COX7B2: variants seen among roughly 807,000 people sequenced by gnomAD.
The protein encoded by COX7B2 is cytochrome c oxidase subunit 7B2, mitochondrial.
For synonymous variants in COX7B2, 37 were observed against 32.1 expected (o/e 1.15, Z -0.51); for missense variants, 109 against 95.9 (o/e 1.14, Z -0.57).
intron 1 of COX7B2, among the ~76,000 whole-genome samples, chr4:46,907,848 C>G (rs1322081896): frequency 1.7e-5 from 1 of 59,730 alleles, no homozygotes; most frequent in Non-Finnish European, 3.1e-5. Flanking sequence ...TTTGAGCAGA[C>G]TTTTTTTTTT....
intron 2 of COX7B2, among the ~76,000 whole-genome samples, chr4:46,795,999 T>C (rs1443743732): frequency 1.2e-5 from 1 of 82,510 alleles, no homozygotes; most frequent in Non-Finnish European, 2.4e-5. Flanking sequence ...TGGCTCTCTG[T>C]TTGTCTGTTG....
intron 2 of COX7B2, among the ~76,000 whole-genome samples, chr4:46,749,682 G>A (rs1715231982): frequency 6.6e-6 from 1 of 152,194 alleles, no homozygotes; most frequent in Non-Finnish European, 1.5e-5. Flanking sequence ...GTATAAACCA[G>A]AGGGTGTGTT....
intron 2 of COX7B2, among the ~76,000 whole-genome samples, chr4:46,818,353 G>C (rs1384932967): frequency 6.6e-6 from 1 of 152,152 alleles, no homozygotes; most frequent in African/African-American, 2.4e-5. Flanking sequence ...ACTACTGGAA[G>C]CCGGGCGCCG....
At chr4:46,873,640 T>C (rs1037927424) in intron 1 of COX7B2, among the ~76,000 whole-genome samples, 2 of 152,238 alleles carry the variant, frequency 1.3e-5, no homozygotes, top group Admixed American at 1.3e-4. Context: ...ACCTAGAATA[T>C]GGTAGGAGCT....
At chr4:46,903,846 T>C (rs1720215564) in intron 1 of COX7B2, 1 of 152,234 alleles carries the variant, frequency 6.6e-6, no homozygotes. Flanking sequence ...GTAAGTACAC[T>C]GTATGATGTT....
At chr4:46,780,367 A>G (rs1717381661) in intron 2 of COX7B2, among the ~76,000 whole-genome samples, 1 of 152,136 alleles carries the variant, frequency 6.6e-6, no homozygotes, top group South Asian at 2.1e-4. Context: ...AATACAAAAA[A>G]TTAGCAGGGC....
intron 2 of COX7B2, among the ~76,000 whole-genome samples, chr4:46,769,541 C>G (rs762205145): frequency 2.0e-5 from 3 of 151,860 alleles, no homozygotes; most frequent in Non-Finnish European, 2.9e-5. Flanking sequence ...ATGGTGAAAC[C>G]CCGTCTCTAC....
intron 2 of COX7B2, among the ~76,000 whole-genome samples, chr4:46,761,403 T>C (rs1716137278): frequency 6.6e-6 from 1 of 152,152 alleles, no homozygotes; most frequent in South Asian, 2.1e-4. Context: ...TGGCCTTCAC[T>C]AAACACACAG....
At chr4:46,907,710 G>A (rs1720475523) in intron 1 of COX7B2, among the ~76,000 whole-genome samples, 1 of 149,166 alleles carries the variant, frequency 6.7e-6, no homozygotes. Context: ...CAAAGCCACT[G>A]TGAGATAAAA....
chr4:46,751,317 T>A (rs1450929845), intron 2 of COX7B2, among the ~76,000 whole-genome samples: 2 of 150,378 alleles, frequency 1.3e-5, no homozygotes, highest in Admixed American at 6.7e-5. Context: ...AGCATACATA[T>A]GAACTTGTTG....
chr4:46,740,609 G>A (rs1416740849), intron 2 of COX7B2, among the ~76,000 whole-genome samples: 1 of 151,982 alleles, frequency 6.6e-6, no homozygotes. Flanking sequence ...TTTTACAAAC[G>A]TAATTGTTAG....
intron 2 of COX7B2, among the ~76,000 whole-genome samples, chr4:46,819,043 C>T (rs569061488): frequency 3.1e-4 from 47 of 152,274 alleles, no homozygotes; most frequent in Middle Eastern, 6.8e-3. Context: ...TTCAGTTTCA[C>T]TTTGGTATGT....
chr4:46,776,431 T>C (rs1455454401), intron 2 of COX7B2, among the ~76,000 whole-genome samples: 1 of 151,754 alleles, frequency 6.6e-6, no homozygotes, highest in Non-Finnish European at 1.5e-5. Context: ...TGTCTGTGTG[T>C]CTGTGTGTCT....
At chr4:46,803,503 T>TA (rs1156522728) in intron 2 of COX7B2, among the ~76,000 whole-genome samples, 9 of 152,200 alleles carry the variant, frequency 5.9e-5, no homozygotes, top group Admixed American at 3.3e-4. Flanking sequence ...TCATATTTTT[T>TA]AAAGACTATG....
intron 2 of COX7B2, among the ~76,000 whole-genome samples, chr4:46,797,448 A>C (rs1018782032): frequency 1.5e-4 from 23 of 152,146 alleles, no homozygotes; most frequent in Admixed American, 1.3e-3. Flanking sequence ...TTATTTCTCA[A>C]GTTCTGGAAT....
intron 2 of COX7B2, among the ~76,000 whole-genome samples, chr4:46,777,277 G>A (rs185112097): frequency 8.5e-5 from 13 of 152,160 alleles, no homozygotes; most frequent in Non-Finnish European, 1.8e-4. Flanking sequence ...ATAAATGGAA[G>A]AGTGATTGAA....
At chr4:46,765,299 C>T (rs1433670183) in intron 2 of COX7B2, among the ~76,000 whole-genome samples, 1 of 148,728 alleles carries the variant, frequency 6.7e-6, no homozygotes, top group Non-Finnish European at 1.5e-5. Context: ...GCCTGTACAG[C>T]ATGGAGAGAG....
intron 2 of COX7B2, among the ~76,000 whole-genome samples, chr4:46,775,719 G>T (rs1439935296): frequency 6.6e-6 from 1 of 152,032 alleles, no homozygotes; most frequent in African/African-American, 2.4e-5. Context: ...GTTCAATGGG[G>T]CTAAAGTATT....
At chr4:46,864,348 AT>A (rs34007076) in intron 1 of COX7B2, among the ~76,000 whole-genome samples, 107 of 146,674 alleles carry the variant, frequency 7.3e-4, no homozygotes, top group East Asian at 1.2e-3. Context: ...CACCCACGAC[AT>A]TTTTTTTTTT....
Sources: allele counts gnomAD v4.1 joint callset (sites outside exome capture counted in the v4.1 genomes callset), GRCh38; gene constraint gnomAD v4.1.1; transcripts MANE v1.5; gene names NCBI Gene and HGNC (gene_info 2026-07-23, HGNC 2026-07-21).